PAPSS1: variants seen among roughly 807,000 people sequenced by gnomAD.
PAPSS1 encodes bifunctional 3'-phosphoadenosine 5'-phosphosulfate synthase 1.
PAPSS1 carries 50 observed loss-of-function variants against 72.0 expected under a neutral mutation model. The ratio of observed to expected loss-of-function variants is 0.69; its 90% CI spans 0.55 to 0.88. The LOEUF is 0.88. Ranked by LOEUF, PAPSS1 falls within the 40% of genes least tolerant of loss-of-function variation. PAPSS1 has a pLI of 0.00. For missense variants in PAPSS1, 657 were observed against 782.2 expected, an observed-to-expected ratio of 0.84 and a Z score of 1.91; for synonymous variants, 261 against 263.6, an observed-to-expected ratio of 0.99 and a Z score of 0.09.
chr4:107,650,566 C>G (rs999782246), intron 9 of PAPSS1, among the ~76,000 whole-genome samples: 1 of 152,144 alleles, frequency 6.6e-6, no homozygotes, highest in African/African-American at 2.4e-5. Flanking sequence ...ATGGTCACAG[C>G]AAGTCCTCCA....
intron 10 of PAPSS1, among the ~76,000 whole-genome samples, chr4:107,633,817 G>A (rs928668721): frequency 1.3e-5 from 2 of 151,648 alleles, no homozygotes; most frequent in East Asian, 2.0e-4. Flanking sequence ...TACTCGGGAG[G>A]CTGAGGCAGG....
chr4:107,633,595 T>G (rs548422073), intron 10 of PAPSS1, among the ~76,000 whole-genome samples: 1 of 149,058 alleles, frequency 6.7e-6, no homozygotes, highest in East Asian at 2.0e-4. Flanking sequence ...GGGTGGGGGG[T>G]GGTGGATGAT....
At chr4:107,669,316 C>G (rs185198052) in intron 5 of PAPSS1, among the ~76,000 whole-genome samples, 1 of 152,130 alleles carries the variant, frequency 6.6e-6, no homozygotes, top group Admixed American at 6.5e-5. Flanking sequence ...TGGGATTCAA[C>G]TTAGTGAGAA....
At chr4:107,620,078 T>G (rs1013052920) in intron 11 of PAPSS1, among the ~76,000 whole-genome samples, 1 of 152,222 alleles carries the variant, frequency 6.6e-6, no homozygotes, top group Non-Finnish European at 1.5e-5. Flanking sequence ...GTTGCTCACA[T>G]GGACAAGAGC....
At position 107,720,136 on chromosome 4, in the gene PAPSS1, T is replaced by C. The variant is rs370172119; in HGVS notation, c.44A>G (p.Asn15Ser). The C allele has an allele frequency of 6.2e-6, 10 of 1,606,734 alleles. No homozygotes were observed. In the Admixed American group the frequency reaches 6.7e-5, roughly 11 times the overall value. Residue 15 changes from asparagine to serine, a missense_variant, in exon 1 of 12, where the codon AAT (asparagine) becomes AGT (serine). Physicochemically the swap from Asn to Ser is conservative, Grantham distance 46. Coordinates refer to ENST00000265174, the MANE Select transcript of PAPSS1 (RefSeq NM_005443.5). The stretch of plus-strand genomic sequence containing the variant: ...CCAGCTTACCCAGTTCTGCGCGTTA[T>C]TGCTCAGTTTGACTTTCTTGCACAG... ...GSLCKKVKLS[N>S]NAQNWGMQRA...
At chr4:107,653,103 GAATA>G (rs1239246038) in intron 9 of PAPSS1, among the ~76,000 whole-genome samples, 3 of 143,924 alleles carry the variant, frequency 2.1e-5, no homozygotes, top group Non-Finnish European at 4.6e-5. Flanking sequence ...GAATACATAT[GAATA>G]TATATGAATA....
chr4:107,672,101 C>T (rs1391627758), intron 5 of PAPSS1, among the ~76,000 whole-genome samples: 1 of 152,050 alleles, frequency 6.6e-6, no homozygotes, highest in Non-Finnish European at 1.5e-5. Context: ...CCAAGATGGC[C>T]GAATAGGAAC....
At chr4:107,618,706 A>C (rs1725885474) in intron 11 of PAPSS1, among the ~76,000 whole-genome samples, 1 of 152,044 alleles carries the variant, frequency 6.6e-6, no homozygotes, top group Non-Finnish European at 1.5e-5. Flanking sequence ...GGGTGTGGAG[A>C]ATCTGCATGT....
At chr4:107,659,775 T>G (rs776014646) in intron 6 of PAPSS1, among the ~76,000 whole-genome samples, 184 bp downstream of exon 6, 8 of 152,148 alleles carry the variant, frequency 5.3e-5, no homozygotes, top group Non-Finnish European at 1.0e-4. Flanking sequence ...CATGGTAACT[T>G]GGGAACATGG....
At chr4:107,693,152 A>C (rs1325842765) in intron 3 of PAPSS1, among the ~76,000 whole-genome samples, 2 of 152,170 alleles carry the variant, frequency 1.3e-5, no homozygotes, top group Admixed American at 1.3e-4. Flanking sequence ...AAGTTGAAGA[A>C]AATAAAATAA....
chr4:107,653,727 T>C (rs996600120), intron 8 of PAPSS1, 101 bp from the exon 9 acceptor site: 25 of 824,220 alleles, frequency 3.0e-5, no homozygotes, highest in Non-Finnish European at 4.4e-5. Context: ...GCTACTCTCA[T>C]CTTAAATGAG....
rs3083966 is a variant in PAPSS1 at position 107,634,797 on chromosome 4, A to ATTTTTT, written c.1507-2943_1507-2938dup. 1.8e-3 allele frequency among the ~76,000 whole-genome samples: 212 copies of ATTTTTT among 115,990 alleles called. 5 individuals carry two copies. The highest frequency in any genetic ancestry group is 4.2e-3 in the African/African-American group (117 of 27,740). The allele number at this position is 115,990 out of a possible 152,430, so 76.1% of individuals were successfully genotyped here. ...CTAAAATTTCTACAATATTCTAGAC[A>ATTTTTT]TTTTTTTTTTTTTTTTTTTTGAGAT... On this transcript the variant is annotated intron_variant, in intron 10 of 11. Coordinates refer to ENST00000265174, the MANE Select transcript of PAPSS1 (RefSeq NM_005443.5).
chr4:107,714,725 A>G (rs2125943589), intron 1 of PAPSS1, among the ~76,000 whole-genome samples: 1 of 152,290 alleles, frequency 6.6e-6, no homozygotes, highest in South Asian at 2.1e-4. Flanking sequence ...GAATAGCCAA[A>G]ATTGTCTCCA....
intron 10 of PAPSS1, among the ~76,000 whole-genome samples, chr4:107,633,016 A>T (rs1560566475): frequency 6.6e-6 from 1 of 152,184 alleles, no homozygotes; most frequent in East Asian, 1.9e-4. Context: ...TCACACTTGA[A>T]TTGTTCACCC....
At chr4:107,704,555 T>C (rs1026291504) in intron 1 of PAPSS1, among the ~76,000 whole-genome samples, 1 of 152,370 alleles carries the variant, frequency 6.6e-6, no homozygotes, top group African/African-American at 2.4e-5. Context: ...GTTTTTATCA[T>C]AAAAGGTTAA....
intron 6 of PAPSS1, among the ~76,000 whole-genome samples, chr4:107,658,103 A>AC (rs1352128583): frequency 2.6e-5 from 4 of 151,976 alleles, no homozygotes; most frequent in Non-Finnish European, 5.9e-5. Flanking sequence ...CACAGGAATC[A>AC]CCCCACTGGC....
At chr4:107,684,704 C>A (rs1399812456) in intron 4 of PAPSS1, among the ~76,000 whole-genome samples, 1 of 152,116 alleles carries the variant, frequency 6.6e-6, no homozygotes, top group Non-Finnish European at 1.5e-5. Flanking sequence ...TCACCTATAG[C>A]CTAGAAGCTC....
intron 11 of PAPSS1, among the ~76,000 whole-genome samples, chr4:107,626,896 C>T (rs1726114766): frequency 6.6e-6 from 1 of 152,160 alleles, no homozygotes; most frequent in African/African-American, 2.4e-5. Flanking sequence ...TTTAAAGCTT[C>T]CCCAGTTATT....
chr4:107,617,194 T>C (rs1326941900), intron 11 of PAPSS1, among the ~76,000 whole-genome samples: 1 of 151,700 alleles, frequency 6.6e-6, no homozygotes, highest in East Asian at 1.9e-4. Context: ...ACAGGGTTTA[T>C]ATGAGTCTTC....
Sources: gnomAD v4.1 joint callset for allele counts (sites outside exome capture counted in the v4.1 genomes callset) on GRCh38, gnomAD v4.1.1 for gene constraint, MANE v1.5 for transcripts, NCBI Gene and HGNC (gene_info 2026-07-23, HGNC 2026-07-21) for gene names.